ATM: variants seen among roughly 807,000 people sequenced by gnomAD.
The protein encoded by ATM is ATM serine/threonine kinase.
A neutral mutation model predicts 387.0 loss-of-function variants in ATM; 308 were observed. The ratio of observed to expected loss-of-function variants is 0.80; its 90% CI spans 0.73 to 0.87. The LOEUF (loss-of-function observed/expected upper bound fraction) is 0.87. Among genes scored for constraint, ATM ranks in the 40% least tolerant of loss-of-function variants. ATM has a pLI of 0.00. For missense variants in ATM, 3,312 were observed against 3,560.9 expected (o/e 0.93, Z 1.78); for synonymous variants, 1,156 against 1,187.3 (o/e 0.97, Z 0.54).
chr11:108,258,983 C>T lies in ATM; in HGVS notation c.2377-3C>T, dbSNP rs1565399725. The stretch of plus-strand genomic sequence containing the variant: ...CTTGGTTCTTTGTTTGTCTTAATTG[C>T]AGAAGAGTCCAAATAAGATTGCATC... On this transcript the variant is annotated splice_region_variant and splice_polypyrimidine_tract_variant and intron_variant, in intron 15 of 62. Transcript: ENST00000675843. 6.2e-7 allele frequency: 1 copy of T among 1,610,894 alleles called. No individual in the cohort carries two copies. The highest frequency in any genetic ancestry group is 2.2e-5 in the East Asian group (1 of 44,810).
intron 59 of ATM, 107 bp downstream of exon 59, chr11:108,347,472 A>T: frequency 1.1e-6 from 1 of 928,280 alleles, no homozygotes; most frequent in Non-Finnish European, 1.7e-6. Flanking sequence ...GATAAATTGA[A>T]GCAGTAAATA....
chr11:108,299,618 C>A, intron 33 of ATM, 96 bp from the exon 34 acceptor site: 2 of 1,281,108 alleles, frequency 1.6e-6, no homozygotes, highest in Non-Finnish European at 2.3e-6. Context: ...TCTTGAAGTA[C>A]AGAAAAACAG....
intron 7 of ATM, among the ~76,000 whole-genome samples, chr11:108,245,629 A>G (rs979920236): frequency 1.3e-4 from 20 of 152,044 alleles, no homozygotes; most frequent in African/African-American, 4.1e-4. Context: ...TATTGCCCAG[A>G]AGGTATAGTG....
chr11:108,272,043 T>G (rs2081612876), intron 20 of ATM, among the ~76,000 whole-genome samples: 1 of 152,184 alleles, frequency 6.6e-6, no homozygotes, highest in Non-Finnish European at 1.5e-5. Context: ...TGGCTAATTT[T>G]TTTGTATTTT....
chr11:108,250,239 A>G (rs1017072802), intron 9 of ATM, among the ~76,000 whole-genome samples: 20 of 151,622 alleles, frequency 1.3e-4, no homozygotes, highest in Non-Finnish European at 2.9e-5. Flanking sequence ...TACAACCTCC[A>G]CCTCCCAGGT....
chr11:108,358,829 C>T (rs1466492879), intron 61 of ATM, among the ~76,000 whole-genome samples: 1 of 149,686 alleles, frequency 6.7e-6, no homozygotes, highest in African/African-American at 2.5e-5. Flanking sequence ...CGGTACCAGC[C>T]ACTGCAAAAT....
At chr11:108,294,158 A>G (rs2082992493) in intron 31 of ATM, among the ~76,000 whole-genome samples, 2 of 152,028 alleles carry the variant, frequency 1.3e-5, no homozygotes, top group South Asian at 2.1e-4. Context: ...GATCTTTTCA[A>G]TGTCAATTTA....
At chr11:108,285,725 G>T (rs1008711546) in intron 26 of ATM, among the ~76,000 whole-genome samples, 7 of 152,042 alleles carry the variant, frequency 4.6e-5, no homozygotes, top group Admixed American at 1.3e-4. Context: ...AGTCTGAAGG[G>T]AAATGGTGAG....
chr11:108,301,506 T>C, intron 34 of ATM, 142 bp from the exon 35 acceptor site: 1 of 989,644 alleles, frequency 1.0e-6, no homozygotes, highest in Non-Finnish European at 1.5e-6. Context: ...GATACTTTTA[T>C]TTGATATTGG....
chr11:108,259,037 A>C lies in ATM; in HGVS notation c.2428A>C (p.Lys810Gln). The C allele has an allele frequency of 6.2e-7, 1 of 1,613,842 alleles. No homozygotes were observed. Reference sequence around the variant, plus strand: ...CTTTTTCCTGCGATTGTTAACATCAAAGCTAATGAATGACATTGCAGATAT... The same window carrying C: ...CTTTTTCCTGCGATTGTTAACATCACAGCTAATGAATGACATTGCAGATAT... Reference protein sequence around the residue: ...SGFFLRLLTSKLMNDIADICK... With the variant: ...SGFFLRLLTSQLMNDIADICK... Residue 810 changes from lysine (K) to glutamine (Q), a missense_variant, in exon 16 of 63, where the codon AAG becomes CAG. By Grantham distance (53) the Lys-to-Gln change is moderately conservative. Around this residue, in one of 4 missense-constraint regions of ATM, gnomAD observed 1,791 missense variants for 1,804.5 expected, o/e 0.99. Transcript: ENST00000675843.
At chr11:108,269,605 G>T (rs902853238) in intron 18 of ATM, among the ~76,000 whole-genome samples, 4 of 152,080 alleles carry the variant, frequency 2.6e-5, no homozygotes, top group African/African-American at 9.7e-5. Context: ...TAACCATGTG[G>T]GCCATTTTCT....
At chr11:108,309,144 A>G in intron 38 of ATM, 1 of 843,648 alleles carries the variant, frequency 1.2e-6, no homozygotes. Context: ...GTGCTGTGTA[A>G]AAATTACTTG....
chr11:108,356,312 G>T (rs1215774579), intron 61 of ATM, among the ~76,000 whole-genome samples: 1 of 152,152 alleles, frequency 6.6e-6, no homozygotes, highest in African/African-American at 2.4e-5. Context: ...GAGACAGGTG[G>T]ATCACCTGAG....
At chr11:108,324,252 T>C (rs1228664745) in intron 45 of ATM, among the ~76,000 whole-genome samples, 5 of 152,116 alleles carry the variant, frequency 3.3e-5, no homozygotes, top group Non-Finnish European at 5.9e-5. Flanking sequence ...AATAGGAAAA[T>C]GCCCTGCCAT....
chr11:108,223,918 T>G (rs933362668), intron 1 of ATM: 2 of 152,212 alleles, frequency 1.3e-5, no homozygotes, highest in Non-Finnish European at 2.9e-5. Flanking sequence ...GCGTGAGGCC[T>G]GGCATTGAAT....
At chr11:108,253,703 T>C in intron 12 of ATM, 111 bp from the exon 13 acceptor site, 4 of 703,538 alleles carry the variant, frequency 5.7e-6, no homozygotes, top group Non-Finnish European at 9.4e-6. Flanking sequence ...AAGTAGTCTT[T>C]GAATGATGTA....
In ATM at chr11:108,335,308, T is replaced by C. The variant is rs776904953; in HGVS notation, c.8151+199T>C. Reference sequence around the variant, plus strand: ...TTTTGTGTCTCTGAAAGACAATCATTATTATATGGTTGATTCAAGTAAAAG... The same window carrying C: ...TTTTGTGTCTCTGAAAGACAATCATCATTATATGGTTGATTCAAGTAAAAG... On this transcript the variant is annotated intron_variant, in intron 55 of 62. Transcript: ENST00000675843. The C allele has an allele frequency of 1.6e-5, 23 of 1,475,980 alleles. No homozygotes were observed. In the South Asian group the frequency reaches 2.8e-4, roughly 18 times the overall value. 91.4% of individuals were successfully genotyped at this position (1,475,980 alleles called of 1,614,324 possible).
chr11:108,252,985 G>GT (rs2080236935), intron 12 of ATM, 73 bp downstream of exon 12: 2 of 1,286,138 alleles, frequency 1.6e-6, no homozygotes, highest in Non-Finnish European at 2.2e-6. Flanking sequence ...TTTTAGCTGG[G>GT]TAGTAGCTGC....
In ATM at chr11:108,317,103, T is replaced by TA. The variant is rs371678767; in HGVS notation, c.6199-255dup. Among the ~76,000 whole-genome samples, 91 of 149,534 alleles carry TA rather than the reference T, an allele frequency of 6.1e-4. No homozygotes were observed. Among genetic ancestry groups the TA allele is most frequent in the African/African-American group, 1.2e-3 (47 of 40,676 alleles). On this transcript the variant is annotated intron_variant, in intron 42 of 62. Coordinates refer to ENST00000675843, the MANE Select transcript of ATM (RefSeq NM_000051.4). ...TACACACTACCATACCCAGCTATTT[T>TA]AAAAAAAAAAAAAAATTGTAGAGAC...
Sources: gnomAD v4.1 joint callset for allele counts (sites outside exome capture counted in the v4.1 genomes callset) on GRCh38, gnomAD v4.1.1 for gene constraint, gnomAD v4.1.1 regional missense constraint, MANE v1.5 for transcripts, NCBI Gene and HGNC (gene_info 2026-07-23, HGNC 2026-07-21) for gene names.